XKR4: variants seen among roughly 807,000 people sequenced by gnomAD.
XKR4 encodes the protein XK related 4.
In XKR4, 12 loss-of-function variants were observed where a neutral mutation model predicts 53.9. That is an observed-to-expected ratio of 0.22 (90% CI 0.14 to 0.36). The LOEUF (loss-of-function observed/expected upper bound fraction) is 0.36, where lower values mean the gene tolerates loss of function less well. Among genes scored for constraint, XKR4 ranks in the 10% least tolerant of loss-of-function variants. XKR4 has a pLI of 1.00. For missense variants in XKR4, 799 were observed against 859.5 expected (o/e 0.93, Z 0.88); for synonymous variants, 354 against 362.4 (o/e 0.98, Z 0.26).
intron 1 of XKR4, among the ~76,000 whole-genome samples, chr8:55,199,422 C>A (rs556044585): frequency 6.6e-6 from 1 of 152,070 alleles, no homozygotes; most frequent in African/African-American, 2.4e-5. Context: ...TTTAAAGCAC[C>A]CATTAATAAC....
intron 1 of XKR4, among the ~76,000 whole-genome samples, chr8:55,271,942 G>A (rs908027381): frequency 1.3e-5 from 2 of 152,212 alleles, no homozygotes; most frequent in African/African-American, 4.8e-5. Flanking sequence ...CTGGCAAGAT[G>A]CTACAGATTG....
At chr8:55,329,868 T>C (rs1239306309) in intron 1 of XKR4, among the ~76,000 whole-genome samples, 3 of 152,194 alleles carry the variant, frequency 2.0e-5, no homozygotes, top group Admixed American at 6.5e-5. Flanking sequence ...CATGATGTAA[T>C]GGAAGATACT....
chr8:55,127,441 T>C (rs529404337), intron 1 of XKR4, among the ~76,000 whole-genome samples: 11 of 151,830 alleles, frequency 7.2e-5, no homozygotes, highest in African/African-American at 2.7e-4. Context: ...TTAGTAGAGA[T>C]GGGGTTTCAC....
At chr8:55,379,958 C>G (rs1379557924) in intron 2 of XKR4, among the ~76,000 whole-genome samples, 2 of 152,216 alleles carry the variant, frequency 1.3e-5, no homozygotes, top group Non-Finnish European at 2.9e-5. Flanking sequence ...GTCAACACTT[C>G]TTATAGCTTA....
chr8:55,214,684 C>A (rs867580091), intron 1 of XKR4, among the ~76,000 whole-genome samples: 5 of 152,156 alleles, frequency 3.3e-5, no homozygotes, highest in Non-Finnish European at 5.9e-5. Context: ...GAGTTTAATT[C>A]TCTGGCCCAG....
At chr8:55,385,777 C>G (rs913487062) in intron 2 of XKR4, among the ~76,000 whole-genome samples, 1 of 152,166 alleles carries the variant, frequency 6.6e-6, no homozygotes, top group African/African-American at 2.4e-5. Flanking sequence ...ATACATTGCA[C>G]TCATATGCAA....
intron 1 of XKR4, among the ~76,000 whole-genome samples, chr8:55,209,916 G>A (rs576181242): frequency 1.3e-5 from 2 of 152,192 alleles, no homozygotes; most frequent in East Asian, 3.9e-4. Flanking sequence ...ATGAGTCCAA[G>A]TATTTGGGGC....
chr8:55,186,310 C>T (rs961328231), intron 1 of XKR4, among the ~76,000 whole-genome samples: 1 of 152,022 alleles, frequency 6.6e-6, no homozygotes, highest in African/African-American at 2.4e-5. Flanking sequence ...CTTAATTAAG[C>T]CAAAAAGATG....
chr8:55,402,882 C>T (rs1286732078), intron 2 of XKR4, among the ~76,000 whole-genome samples: 1 of 152,040 alleles, frequency 6.6e-6, no homozygotes, highest in African/African-American at 2.4e-5. Flanking sequence ...GAGAGTGGGC[C>T]CACAGACCTG....
At chr8:55,116,781 T>C (rs1375631912) in intron 1 of XKR4, among the ~76,000 whole-genome samples, 6 of 152,174 alleles carry the variant, frequency 3.9e-5, no homozygotes, top group African/African-American at 1.4e-4. Context: ...TGGGAGGTGA[T>C]TTTTTGGTTC....
At chr8:55,268,093 A>G (rs1818636604) in intron 1 of XKR4, among the ~76,000 whole-genome samples, 1 of 152,210 alleles carries the variant, frequency 6.6e-6, no homozygotes, top group Non-Finnish European at 1.5e-5. Context: ...ACGCCAACTA[A>G]TGGATAATAT....
At chr8:55,109,428 A>G (rs1353451080) in intron 1 of XKR4, among the ~76,000 whole-genome samples, 3 of 152,184 alleles carry the variant, frequency 2.0e-5, no homozygotes, top group Non-Finnish European at 4.4e-5. Context: ...TCGTTGGTTT[A>G]TAGACTCAGT....
At position 55,161,270 on chromosome 8, in the gene XKR4, A is replaced by T. The variant is rs1374079196; in HGVS notation, c.806+57976A>T. ...ACCGGAAGCTCTCCTTTCTGCTTTAACAGACACAGTTATTTCACTCGCAGA... is the reference window on the plus strand; with the variant it reads ...ACCGGAAGCTCTCCTTTCTGCTTTATCAGACACAGTTATTTCACTCGCAGA... On this transcript the variant is annotated intron_variant, in intron 1 of 2. Coordinates refer to ENST00000327381, the MANE Select transcript of XKR4 (RefSeq NM_052898.2). Among the ~76,000 whole-genome samples, 9 of 152,350 alleles carry T rather than the reference A, an allele frequency of 5.9e-5. No individual in the cohort carries two copies. In the South Asian group the frequency reaches 1.9e-3, roughly 32 times the overall value.
intron 1 of XKR4, among the ~76,000 whole-genome samples, chr8:55,224,692 A>C (rs1015240931): frequency 6.6e-5 from 10 of 152,174 alleles, no homozygotes; most frequent in Non-Finnish European, 1.0e-4. Flanking sequence ...AAGTGTGTTG[A>C]GGGTTACTGA....
chr8:55,385,644 A>AAGAAAATT (rs1481954695), intron 2 of XKR4, among the ~76,000 whole-genome samples: 1 of 152,236 alleles, frequency 6.6e-6, no homozygotes, highest in Non-Finnish European at 1.5e-5. Context: ...GCAGGCTTCC[A>AAGAAAATT]AGAAAATTGC....
intron 1 of XKR4, among the ~76,000 whole-genome samples, chr8:55,284,689 A>G (rs1177589407): frequency 6.6e-6 from 1 of 152,168 alleles, no homozygotes; most frequent in Non-Finnish European, 1.5e-5. Flanking sequence ...GATGTGTCCT[A>G]TGATGTGACA....
chr8:55,240,439 G>A (rs959255745), intron 1 of XKR4, among the ~76,000 whole-genome samples: 10 of 152,050 alleles, frequency 6.6e-5, no homozygotes, highest in Non-Finnish European at 1.0e-4. Flanking sequence ...GATGAATTAC[G>A]GGACAGTTTA....
intron 2 of XKR4, among the ~76,000 whole-genome samples, chr8:55,394,617 C>T (rs1804489443): frequency 6.6e-6 from 1 of 152,174 alleles, no homozygotes; most frequent in African/African-American, 2.4e-5. Flanking sequence ...TTCACTTCCT[C>T]TTTGGCTTTC....
At chr8:55,449,595 G>A (rs1327343182) in intron 2 of XKR4, 4 of 1,253,002 alleles carry the variant, frequency 3.2e-6, no homozygotes, top group Non-Finnish European at 4.7e-6. Context: ...TAAACGCGAG[G>A]AGTTGTCTTC....
Sources: gnomAD v4.1 joint callset for allele counts (sites outside exome capture counted in the v4.1 genomes callset) on GRCh38, gnomAD v4.1.1 for gene constraint, MANE v1.5 for transcripts, NCBI Gene and HGNC (gene_info 2026-07-23, HGNC 2026-07-21) for gene names.